The following ZMPSTE24 variants were observed in gnomAD, a reference collection of about 807,000 sequenced individuals.
ZMPSTE24 encodes the protein zinc metallopeptidase STE24.
A neutral mutation model predicts 56.7 loss-of-function variants in ZMPSTE24; 48 were observed. That is an observed-to-expected ratio of 0.85 (90% CI 0.67 to 1.08). The LOEUF is 1.08. Among genes scored for constraint, ZMPSTE24 ranks in the 50% least tolerant of loss-of-function variants. The probability of loss-of-function intolerance (pLI) is 0.00; values close to 1 mark genes in which losing one functional copy is unlikely to be tolerated. For synonymous variants in ZMPSTE24, 172 were observed against 195.2 expected (o/e 0.88, Z 0.99); for missense variants, 503 against 548.7 (o/e 0.92, Z 0.83).
At chr1:40,280,997 T>C (rs1418800966) in intron 6 of ZMPSTE24, among the ~76,000 whole-genome samples, 1 of 152,242 alleles carries the variant, frequency 6.6e-6, no homozygotes, top group Non-Finnish European at 1.5e-5. Flanking sequence ...TCCTTCACAA[T>C]ATATTGGTGA....
chr1:40,263,037 C>A, intron 2 of ZMPSTE24: 1 of 963,744 alleles, frequency 1.0e-6, no homozygotes, highest in Non-Finnish European at 1.2e-6. Flanking sequence ...TTGACTTTAC[C>A]CACTACAGGG....
chr1:40,265,871 A>G (rs1357210968), intron 2 of ZMPSTE24, among the ~76,000 whole-genome samples: 1 of 152,294 alleles, frequency 6.6e-6, no homozygotes, highest in African/African-American at 2.4e-5. Flanking sequence ...TCCAGAGACC[A>G]TATTTGAGAC....
chr1:40,280,359 G>A (rs764832975), intron 6 of ZMPSTE24, among the ~76,000 whole-genome samples: 3 of 152,062 alleles, frequency 2.0e-5, no homozygotes, highest in Admixed American at 6.6e-5. Flanking sequence ...TTGATGTTGC[G>A]AGTTGTCTCT....
At chr1:40,273,549 T>A (rs1235450251) in intron 6 of ZMPSTE24, among the ~76,000 whole-genome samples, 1,395 of 85,460 alleles carry the variant, frequency 0.016, 72 homozygotes, top group African/African-American at 0.084. Flanking sequence ...TATATATATA[T>A]ATATATATAT....
chr1:40,269,197 G>A (rs920709631), intron 4 of ZMPSTE24, among the ~76,000 whole-genome samples: 5 of 151,742 alleles, frequency 3.3e-5, no homozygotes, highest in Admixed American at 1.3e-4. Flanking sequence ...AGGAGTTCAA[G>A]ACCAGCTTGG....
intron 2 of ZMPSTE24, among the ~76,000 whole-genome samples, chr1:40,265,079 G>A (rs1643536437): frequency 6.6e-6 from 1 of 151,916 alleles, no homozygotes; most frequent in African/African-American, 2.4e-5. Flanking sequence ...TTGTTTTTCA[G>A]TCCCCAAAAG....
At chr1:40,287,687 A>AG (rs1436859079) in intron 8 of ZMPSTE24, among the ~76,000 whole-genome samples, 9 of 150,310 alleles carry the variant, frequency 6.0e-5, no homozygotes, top group Non-Finnish European at 1.0e-4. Context: ...AAAAAAAAAA[A>AG]AAAGTTGCCA....
Position 40,290,956 on chromosome 1 carries a change from C to T in ZMPSTE24, c.1162C>T (p.Leu388=), listed in dbSNP as rs1643837540. The change falls in exon 9 of 10, where the codon CTA becomes TTA. Residue 388 remains leucine (L), a synonymous_variant. Coordinates refer to ENST00000372759, the MANE Select transcript of ZMPSTE24 (RefSeq NM_005857.5). ...FYDSQPTLIG[L]LIIFQFIFSP... is the part of the protein sequence containing the mutation. ...TGATAGCCAACCCACTCTTATTGGA[C>T]TATTGATCATCTTCCAGTTTATTTT... is the stretch of plus-strand genomic sequence containing the variant. 4.3e-6 allele frequency: 7 copies of T among 1,613,898 alleles called. No individual in the cohort carries two copies. In the South Asian group the frequency reaches 7.7e-5, roughly 18 times the overall value.
intron 5 of ZMPSTE24, among the ~76,000 whole-genome samples, chr1:40,270,433 A>G (rs912092576): frequency 6.6e-6 from 1 of 152,192 alleles, no homozygotes; most frequent in Non-Finnish European, 1.5e-5. Flanking sequence ...TAAGTGTGAT[A>G]ATTTAATGAC....
At chr1:40,274,504 G>A (rs963835916) in intron 6 of ZMPSTE24, among the ~76,000 whole-genome samples, 15 of 152,298 alleles carry the variant, frequency 9.8e-5, no homozygotes, top group Admixed American at 2.0e-4. Context: ...GGGAGGAGCC[G>A]CCCATTTGAC....
Position 40,293,765 on chromosome 1 carries a change from G to GA in ZMPSTE24, c.*1098dup, listed in dbSNP as rs1376064480. ...TGTTTACTTTGAAAACAAATGTCAT[G>GA]AATGATTTCCAGTTTTTAAAGCTAT... On this transcript the variant is annotated 3_prime_UTR_variant, in exon 10 of 10. Transcript: ENST00000372759. The GA allele has an allele frequency of 2.2e-4, 34 of 152,238 alleles. No individual in the cohort carries two copies. The highest frequency in any genetic ancestry group is 8.2e-4 in the African/African-American group (34 of 41,536). 9.4% of individuals were successfully genotyped at this position (152,238 alleles called of 1,614,324 possible).
intron 1 of ZMPSTE24, 88 bp from the exon 2 acceptor site, chr1:40,260,751 C>T (rs1384929182): frequency 4.1e-5 from 57 of 1,391,158 alleles, no homozygotes; most frequent in Non-Finnish European, 5.5e-5. Flanking sequence ...ATATAAGTGG[C>T]AAGCTATAAA....
At chr1:40,283,528 C>G (rs1234948846) in intron 7 of ZMPSTE24, among the ~76,000 whole-genome samples, 1 of 151,522 alleles carries the variant, frequency 6.6e-6, no homozygotes, top group Non-Finnish European at 1.5e-5. Flanking sequence ...AATTGCTGAT[C>G]CTTTTGTTAC....
At chr1:40,291,934 G>A (rs989914880) in intron 9 of ZMPSTE24, among the ~76,000 whole-genome samples, 5 of 150,808 alleles carry the variant, frequency 3.3e-5, no homozygotes, top group African/African-American at 4.9e-5. Flanking sequence ...TCCGCCTCCC[G>A]GGTTCAAGCA....
At chr1:40,259,908 C>G (rs1038114926) in intron 1 of ZMPSTE24, among the ~76,000 whole-genome samples, 1 of 151,588 alleles carries the variant, frequency 6.6e-6, no homozygotes, top group East Asian at 2.0e-4. Context: ...CTCCCCTCAG[C>G]TTTTATTGGC....
Position 40,294,022 on chromosome 1 carries a change from A to G in ZMPSTE24, c.*1353A>G, listed in dbSNP as rs921868931. 1 of 152,662 alleles carries G rather than the reference A, an allele frequency of 6.6e-6. No individual in the cohort carries two copies. Among genetic ancestry groups the G allele is most frequent in the Admixed American group, 6.5e-5 (1 of 15,282 alleles). 9.5% of individuals were successfully genotyped at this position (152,662 alleles called of 1,614,324 possible). A position where few individuals can be genotyped will look rare whatever the true frequency, so the allele number is the denominator to read the frequency against. ...AATCTAGTTTAATACTGCATTATTT[A>G]TTTTCCTAAGGCTAAAGAGGAGCAG... On this transcript the variant is annotated 3_prime_UTR_variant, in exon 10 of 10. Coordinates refer to ENST00000372759, the MANE Select transcript of ZMPSTE24 (RefSeq NM_005857.5).
chr1:40,271,210 G>C (rs1019202758), intron 5 of ZMPSTE24, among the ~76,000 whole-genome samples: 1 of 152,184 alleles, frequency 6.6e-6, no homozygotes, highest in African/African-American at 2.4e-5. Flanking sequence ...GACTACAGGT[G>C]TGTGACACCA....
chr1:40,287,063 T>TTCTTC (rs2124594252), intron 8 of ZMPSTE24, among the ~76,000 whole-genome samples: 1 of 147,714 alleles, frequency 6.8e-6, no homozygotes, highest in African/African-American at 2.5e-5. Context: ...CATTTTTTTC[T>TTCTTC]TTTTCTTTTC....
intron 8 of ZMPSTE24, among the ~76,000 whole-genome samples, chr1:40,287,047 A>T (rs1156936846): frequency 1.4e-5 from 2 of 148,110 alleles, no homozygotes; most frequent in South Asian, 4.3e-4. Context: ...AATGCTTTTT[A>T]AAAAACATTT....
Sources: allele counts gnomAD v4.1 joint callset (sites outside exome capture counted in the v4.1 genomes callset), GRCh38; gene constraint gnomAD v4.1.1; transcripts MANE v1.5; gene names NCBI Gene and HGNC (gene_info 2026-07-23, HGNC 2026-07-21).